Variants in ZFTA observed in about 807,000 individuals in gnomAD.
ZFTA encodes zinc finger translocation associated, also known as zinc finger translocation-associated protein.
Under a neutral mutation model 41.8 loss-of-function variants are expected in ZFTA, and 35 were observed. The ratio of observed to expected loss-of-function variants is 0.84; its 90% CI spans 0.64 to 1.11. The LOEUF is 1.11. Ranked by LOEUF, ZFTA falls within the 50% of genes most tolerant of loss-of-function variation. The probability of loss-of-function intolerance (pLI) is 0.00; values close to 1 mark genes in which losing one functional copy is unlikely to be tolerated. For synonymous variants in ZFTA, 514 were observed against 436.4 expected (o/e 1.18, Z -2.22); for missense variants, 964 against 989.8 (o/e 0.97, Z 0.35).
rs1182265881 is a variant in ZFTA, at chr11:63,762,163, CCCTCGCTCCTCCTTCCTTCAGGT to C, written c.*1232_*1254del. On this transcript the variant is annotated 3_prime_UTR_variant, in exon 5 of 5. Transcript: ENST00000433688. ...TGGGGTCCTCCCGTCCCCGCCTCTG[CCCTCGCTCCTCCTTCCTTCAGGT>C]CCTCCCTCCACCACCTCACAGCTTA... The C allele has an allele frequency of 6.6e-6, 1 of 152,638 alleles. No individual in the cohort carries two copies. Among genetic ancestry groups the C allele is most frequent in the Non-Finnish European group, 1.5e-5 (1 of 68,266 alleles). 9.5% of individuals were successfully genotyped at this position (152,638 alleles called of 1,614,324 possible).
At position 63,763,769 on chromosome 11, in the gene ZFTA, C is replaced by G. The variant is rs914046450; in HGVS notation, c.1686G>C (p.Pro562=). ...GGGGCGGAGGCGGGGGAGGAGGCGG[C>G]GGCGGCAAGGCGAGTCCCCCAGGCT... ...GQEPGGLALP[P]PPPPPPPPPP... is the part of the protein sequence containing the mutation. The change falls in exon 5 of 5, where the codon CCG becomes CCC. Residue 562 remains proline (P), a synonymous_variant. Transcript: ENST00000433688. The G allele has an allele frequency of 6.8e-7, 1 of 1,460,646 alleles. No individual in the cohort carries two copies. Among genetic ancestry groups the G allele is most frequent in the Non-Finnish European group, 9.0e-7 (1 of 1,108,170 alleles). 90.5% of individuals were successfully genotyped at this position (1,460,646 alleles called of 1,614,324 possible). A position where few individuals can be genotyped will look rare whatever the true frequency, so the allele number is the denominator to read the frequency against.
At position 63,763,811 on chromosome 11, in the gene ZFTA, GTCC is replaced by G. The variant is rs778380840; in HGVS notation, c.1641_1643del (p.Glu547del). 5.1e-5 allele frequency: 74 copies of G among 1,447,140 alleles called. No homozygotes were observed. In the Admixed American group the frequency reaches 1.5e-3, roughly 28 times the overall value. 89.6% of individuals were successfully genotyped at this position (1,447,140 alleles called of 1,614,324 possible). A position where few individuals can be genotyped will look rare whatever the true frequency, so the allele number is the denominator to read the frequency against. On this transcript the variant is annotated inframe_deletion, in exon 5 of 5. Coordinates refer to ENST00000433688, the MANE Select transcript of ZFTA (RefSeq NM_001144936.2). ...CCCCAGGCTCCTGGCCGTCCTCTTC[GTCC>G]TCCTCTTCTTCGGCGGGCCGCTCCA... is the stretch of plus-strand genomic sequence containing the variant.
Position 63,764,022 on chromosome 11 carries a change from TG to T in ZFTA, c.1585+15del. ...CCCGGCTCTCCCTCTCCGCCTGCTC[TG>T]GCCCCACCGCTCACCCCACTCCTCC... is the stretch of plus-strand genomic sequence containing the variant. On this transcript the variant is annotated intron_variant, in intron 4 of 4. Coordinates refer to ENST00000433688, the MANE Select transcript of ZFTA (RefSeq NM_001144936.2). The T allele has an allele frequency of 7.6e-7, 1 of 1,318,666 alleles. No individual in the cohort carries two copies. The highest frequency in any genetic ancestry group is 9.8e-7 in the Non-Finnish European group (1 of 1,023,734). The allele number at this position is 1,318,666 out of a possible 1,614,324, so 81.7% of individuals were successfully genotyped here.
Position 63,764,378 on chromosome 11 carries a change from G to A in ZFTA, c.1245C>T (p.Arg415=). 3 of 1,308,652 alleles carry A rather than the reference G, an allele frequency of 2.3e-6. No homozygotes were observed. The highest frequency in any genetic ancestry group is 2.1e-5 in the South Asian group (1 of 47,994). 81.1% of individuals were successfully genotyped at this position (1,308,652 alleles called of 1,614,324 possible). Residue 415 remains arginine (R), a synonymous_variant, in exon 4 of 5, where the codon CGC becomes CGT. Coordinates refer to ENST00000433688, the MANE Select transcript of ZFTA (RefSeq NM_001144936.2). ...GCCGCCAGCGCTCCTGGGGGTGGCG[G>A]CGGTGGGCGCGGCCCCGCGGCGACC... is the stretch of plus-strand genomic sequence containing the variant. ...PGRSPRGRAH[R]RHPQERWRLE... is the part of the protein sequence containing the mutation.
In ZFTA at chr11:63,764,462, G is replaced by A. The variant is rs1161196137; in HGVS notation, c.1161C>T (p.Pro387=). 7.9e-7 allele frequency: 1 copy of A among 1,262,696 alleles called. No homozygotes were observed. 78.2% of individuals were successfully genotyped at this position (1,262,696 alleles called of 1,614,324 possible). ...EAGWVPERPG[P]AEEEEELEEG... ...CCTCCAGCTCCTCCTCCTCCTCTGCGGGCCCGGGCCTCTCAGGGACCCAGC... is the reference window on the plus strand; with the variant it reads ...CCTCCAGCTCCTCCTCCTCCTCTGCAGGCCCGGGCCTCTCAGGGACCCAGC... The change falls in exon 4 of 5, where the codon CCC becomes CCT. Residue 387 remains proline (P), a synonymous_variant. Coordinates refer to ENST00000433688, the MANE Select transcript of ZFTA (RefSeq NM_001144936.2).
rs2014721950 is a variant in ZFTA at position 63,765,045 on chromosome 11, G to A, written c.847C>T (p.Leu283=). The A allele has an allele frequency of 1.9e-6, 3 of 1,548,920 alleles. No individual in the cohort carries two copies. The highest frequency in any genetic ancestry group is 2.6e-6 in the Non-Finnish European group (3 of 1,146,456). The change falls in exon 3 of 5, where the codon CTG becomes TTG. Residue 283 remains leucine, a synonymous_variant. Coordinates refer to ENST00000433688, the MANE Select transcript of ZFTA (RefSeq NM_001144936.2). This position sits in a 1 kb window ranked among gnomAD's most constrained non-coding sequence, Gnocchi z 4.0. ...LMDYDPRGNR[L]VCMACGRALP... ...GCCCGGCCACAGGCCATGCACACCA[G>A]CCGGTTCCCCCGCGGGTCATAGTCC...
At position 63,763,484 on chromosome 11, in the gene ZFTA, C is replaced by CCCGAAGCCCTCGTG. The variant is rs1565057877; in HGVS notation, c.1957_1970dup (p.Pro658ThrfsTer94). 6.6e-7 allele frequency: 1 copy of CCCGAAGCCCTCGTG among 1,522,228 alleles called. No individual in the cohort carries two copies. The highest frequency in any genetic ancestry group is 8.8e-7 in the Non-Finnish European group (1 of 1,132,496). 94.3% of individuals were successfully genotyped at this position (1,522,228 alleles called of 1,614,324 possible). On this transcript the variant is annotated frameshift_variant, in exon 5 of 5. Transcript: ENST00000433688. LOFTEE classifies it high-confidence loss of function. ...CGTCACGCGGCGCCGGGGCGGGCGGCCCGAAGCCCTCGTGGCCGTAGCAGC... is the reference window on the plus strand; with the variant it reads ...CGTCACGCGGCGCCGGGGCGGGCGGCCCGAAGCCCTCGTGCCGAAGCCCTCGTGGCCGTAGCAGC...
rs2014673739 is a variant in ZFTA at position 63,763,077 on chromosome 11, C to G, written c.*341G>C. 1 of 155,620 alleles carries G rather than the reference C, an allele frequency of 6.4e-6. No individual in the cohort carries two copies. Among genetic ancestry groups the G allele is most frequent in the South Asian group, 2.1e-4 (1 of 4,864 alleles). The allele number at this position is 155,620 out of a possible 1,614,324, so 9.6% of individuals were successfully genotyped here. A position where few individuals can be genotyped will look rare whatever the true frequency, so the allele number is the denominator to read the frequency against. On this transcript the variant is annotated 3_prime_UTR_variant, in exon 5 of 5. Transcript: ENST00000433688. Reference sequence around the variant, plus strand: ...CCCAGTCCCGGCCTGCGGAGAACCCCCTCGCGGGGTGCGGCCGGGAGCGCT... The same window carrying G: ...CCCAGTCCCGGCCTGCGGAGAACCCGCTCGCGGGGTGCGGCCGGGAGCGCT...
In ZFTA at chr11:63,764,593, C is replaced by A; in HGVS notation, c.1030G>T (p.Asp344Tyr). The part of the protein sequence containing the change: ...SELTQSPPGD[D>Y]LAPQDLTGKS... ...CCGGTCAGGTCCTGGGGGGCGAGGT[C>A]ATCGCCTGTTGGGGAAGGGGTGAGG... The change falls in exon 4 of 5, where the codon GAC becomes TAC. Residue 344 changes from aspartate (D) to tyrosine (Y), a missense_variant. This residue lies in a region of ZFTA where 584 missense variants were observed against 523.1 expected (regional missense o/e 1.12). Transcript: ENST00000433688. 8.0e-7 allele frequency: 1 copy of A among 1,256,278 alleles called. No homozygotes were observed. Among genetic ancestry groups the A allele is most frequent in the South Asian group, 3.7e-5 (1 of 26,836 alleles). 77.8% of individuals were successfully genotyped at this position (1,256,278 alleles called of 1,614,324 possible). A position where few individuals can be genotyped will look rare whatever the true frequency, so the allele number is the denominator to read the frequency against.
Position 63,764,368 on chromosome 11 carries a change from G to C in ZFTA, c.1255C>G (p.Gln419Glu), listed in dbSNP as rs867899213. The change falls in exon 4 of 5, where the codon CAG becomes GAG. Residue 419 changes from glutamine to glutamate, a missense_variant. This residue lies in a region of ZFTA where 584 missense variants were observed against 523.1 expected (regional missense o/e 1.12). Coordinates refer to ENST00000433688, the MANE Select transcript of ZFTA (RefSeq NM_001144936.2). ...PRGRAHRRHP[Q>E]ERWRLEYLME... ...AGGTACTCCAGCCGCCAGCGCTCCT[G>C]GGGGTGGCGGCGGTGGGCGCGGCCC... 7 of 1,311,908 alleles carry C rather than the reference G, an allele frequency of 5.3e-6. No individual in the cohort carries two copies. Among genetic ancestry groups the C allele is most frequent in the Non-Finnish European group, 6.8e-6 (7 of 1,034,540 alleles). 81.3% of individuals were successfully genotyped at this position (1,311,908 alleles called of 1,614,324 possible). A position where few individuals can be genotyped will look rare whatever the true frequency, so the allele number is the denominator to read the frequency against.
Position 63,765,921 on chromosome 11 carries a change from C to A in ZFTA, c.523G>T (p.Ala175Ser), listed in dbSNP as rs776818809. 4 of 1,551,466 alleles carry A rather than the reference C, an allele frequency of 2.6e-6. No individual in the cohort carries two copies. Among genetic ancestry groups the A allele is most frequent in the Non-Finnish European group, 3.5e-6 (4 of 1,147,004 alleles). ...NSWDAHLGLG[A>S]CGEAEGLGVQ... ...CCCAGGCCCTCGGCCTCTCCGCAGG[C>A]CCCCAGCCCCAGGTGTGCATCCCAG... Residue 175 changes from alanine (A) to serine (S), a missense_variant, in exon 2 of 5, where the codon GCC (alanine) becomes TCC (serine). By Grantham distance (99) the Ala-to-Ser change is moderately conservative. Coordinates refer to ENST00000433688, the MANE Select transcript of ZFTA (RefSeq NM_001144936.2). This position sits in a 1 kb window ranked among gnomAD's most constrained non-coding sequence, Gnocchi z 4.0.
chr11:63,766,065 TG>T lies in ZFTA; in HGVS notation c.378del (p.Cys126Ter). On this transcript the variant is annotated frameshift_variant, in exon 2 of 5. Transcript: ENST00000433688. LOFTEE classifies it high-confidence loss of function. ...GTGGCCAGGGAGCTGCCGCACACCA[TG>T]CACACCATGCCGTGCCGGGCAGGGT... ...DFNPARHGMV[C>X]MVCGSSLATL... 6.5e-7 allele frequency: 1 copy of T among 1,546,210 alleles called. No homozygotes were observed.
rs2014618228 is a variant in ZFTA at position 63,760,948 on chromosome 11, C to CT, written c.*2469dup. The stretch of plus-strand genomic sequence containing the variant: ...AAAGATGTCCACTCTCCTGAGGCCT[C>CT]TCTCTGCCTACGGAGGGGGGGGAAT... On this transcript the variant is annotated 3_prime_UTR_variant, in exon 5 of 5. Coordinates refer to ENST00000433688, the MANE Select transcript of ZFTA (RefSeq NM_001144936.2). 6.6e-6 allele frequency: 1 copy of CT among 152,162 alleles called. No homozygotes were observed. The highest frequency in any genetic ancestry group is 1.5e-5 in the Non-Finnish European group (1 of 68,048). The allele number at this position is 152,162 out of a possible 1,614,324, so 9.4% of individuals were successfully genotyped here. A position where few individuals can be genotyped will look rare whatever the true frequency, so the allele number is the denominator to read the frequency against.
In ZFTA at chr11:63,760,638, C is replaced by T. The variant is rs1425230232; in HGVS notation, c.*2780G>A. 1 of 152,170 alleles carries T rather than the reference C, an allele frequency of 6.6e-6. No homozygotes were observed. Among genetic ancestry groups the T allele is most frequent in the Non-Finnish European group, 1.5e-5 (1 of 68,050 alleles). The allele number at this position is 152,170 out of a possible 1,614,324, so 9.4% of individuals were successfully genotyped here. On this transcript the variant is annotated 3_prime_UTR_variant, in exon 5 of 5. Transcript: ENST00000433688. ...AGGAGGCACACCTAGGCAAGAGGGC[C>T]AACTCAACTTGCAACGTCTAACCTG...
rs928511341 is a variant in ZFTA at position 63,765,472 on chromosome 11, G to A, written c.638-218C>T. 6.6e-6 allele frequency among the ~76,000 whole-genome samples: 1 copy of A among 151,870 alleles called. No individual in the cohort carries two copies. Among genetic ancestry groups the A allele is most frequent in the African/African-American group, 2.4e-5 (1 of 41,314 alleles). The stretch of plus-strand genomic sequence containing the variant: ...AGACTGGAATCTAGCCCTGTCCCTG[G>A]CCTTCACCGTCAGCCACACCTCTCC... On this transcript the variant is annotated intron_variant, in intron 2 of 4. Transcript: ENST00000433688. The surrounding 1 kb of genome is among the most constrained non-coding windows in gnomAD (Gnocchi z 4.0).
chr11:63,767,741 G>T (rs1045962297), intron 1 of ZFTA, among the ~76,000 whole-genome samples: 11 of 152,164 alleles, frequency 7.2e-5, no homozygotes, highest in Non-Finnish European at 1.3e-4. Context: ...GCCGGGAAAT[G>T]AGTCAACAGT....
At position 63,764,530 on chromosome 11, in the gene ZFTA, AG is replaced by A. The variant is rs1480339538; in HGVS notation, c.1092del (p.Ser365ProfsTer10). ...SRDSASAAGA[P>X]SSQDLSPPDV... ...TCTGGGGGGCTGAGATCCTGAGAGG[AG>A]GGGGCTCCAGCAGCGGAGGCCGAGT... On this transcript the variant is annotated frameshift_variant, in exon 4 of 5. Coordinates refer to ENST00000433688, the MANE Select transcript of ZFTA (RefSeq NM_001144936.2). LOFTEE classifies it high-confidence loss of function. The A allele has an allele frequency of 1.6e-6, 2 of 1,256,178 alleles. No individual in the cohort carries two copies. The highest frequency in any genetic ancestry group is 2.0e-6 in the Non-Finnish European group (2 of 994,980). The allele number at this position is 1,256,178 out of a possible 1,614,324, so 77.8% of individuals were successfully genotyped here.
In ZFTA at chr11:63,764,495, T is replaced by C. The variant is rs2014712087; in HGVS notation, c.1128A>G (p.Glu376=). ...SQDLSPPDVK[E]EAGWVPERPG... ...GCCTCTCAGGGACCCAGCCAGCCTCTTCCTTTACGTCTGGGGGGCTGAGAT... is the reference window on the plus strand; with the variant it reads ...GCCTCTCAGGGACCCAGCCAGCCTCCTCCTTTACGTCTGGGGGGCTGAGAT... The change falls in exon 4 of 5, where the codon GAA becomes GAG. Residue 376 remains glutamate (E), a synonymous_variant. Coordinates refer to ENST00000433688, the MANE Select transcript of ZFTA (RefSeq NM_001144936.2). 2 of 1,258,226 alleles carry C rather than the reference T, an allele frequency of 1.6e-6. No homozygotes were observed. The highest frequency in any genetic ancestry group is 1.6e-5 in the African/African-American group (1 of 64,514). The allele number at this position is 1,258,226 out of a possible 1,614,324, so 77.9% of individuals were successfully genotyped here. A position where few individuals can be genotyped will look rare whatever the true frequency, so the allele number is the denominator to read the frequency against.
At chr11:63,764,720 G>A (rs1439076656) in intron 3 of ZFTA, 122 bp from the exon 4 acceptor site, 2 of 1,350,640 alleles carry the variant, frequency 1.5e-6, no homozygotes, top group Admixed American at 7.0e-5. Context: ...GTCTGTCTCT[G>A]TCTGGGGGCA....
Sources: gnomAD v4.1 joint callset for allele counts (sites outside exome capture counted in the v4.1 genomes callset) on GRCh38, gnomAD v4.1.1 for gene constraint, gnomAD v4.1.1 regional missense constraint, Gnocchi (gnomAD v3.1) non-coding constraint, MANE v1.5 for transcripts, NCBI Gene and HGNC (gene_info 2026-07-23, HGNC 2026-07-21) for gene names.